Variants in NCAPD2 observed in about 807,000 individuals in gnomAD.
The protein encoded by NCAPD2 is condensin complex subunit 1.
In NCAPD2, 100 loss-of-function variants were observed where a neutral mutation model predicts 164.5. That is an observed-to-expected ratio of 0.61 (90% CI 0.52 to 0.72). The LOEUF is 0.72. Ranked by LOEUF, NCAPD2 falls within the 30% of genes least tolerant of loss-of-function variation. The pLI is 0.00. For missense variants in NCAPD2, 1,560 were observed against 1,749.2 expected (o/e 0.89, Z 1.93); for synonymous variants, 585 against 642.6 (o/e 0.91, Z 1.36).
intron 2 of NCAPD2, among the ~76,000 whole-genome samples, chr12:6,507,462 C>T (rs554432204): frequency 1.7e-4 from 26 of 152,350 alleles, no homozygotes; most frequent in African/African-American, 6.0e-4. Context: ...CTTGGCCAGT[C>T]GCCGTGAAAG....
At chr12:6,525,412 A>G (rs1205227684) in intron 17 of NCAPD2, among the ~76,000 whole-genome samples, 171 bp from the exon 18 acceptor site, 2 of 152,134 alleles carry the variant, frequency 1.3e-5, no homozygotes, top group African/African-American at 4.8e-5. Context: ...AAAGTAGAGA[A>G]TGGAAAGCCT....
At chr12:6,501,227 ATTTTTTTTTTTT>A (rs71067121) in intron 2 of NCAPD2, among the ~76,000 whole-genome samples, 12 of 69,174 alleles carry the variant, frequency 1.7e-4, no homozygotes, top group East Asian at 6.4e-4. Context: ...CGCCTGGCTA[ATTTTTTTTTTTT>A]TTTTTTTTTT....
At chr12:6,529,467 G>A (rs1218167549) in intron 27 of NCAPD2, 46 bp from the exon 28 acceptor site, 1 of 1,560,604 alleles carries the variant, frequency 6.4e-7, no homozygotes, top group Non-Finnish European at 8.8e-7. Flanking sequence ...GTGGATGGCA[G>A]AGCTGGCCCT....
intron 6 of NCAPD2, among the ~76,000 whole-genome samples, chr12:6,513,715 C>CTTTGTTTTTTTTTTT (rs1946171835): frequency 1.3e-5 from 1 of 74,894 alleles, no homozygotes; most frequent in Non-Finnish European, 2.5e-5. Context: ...GTGACTTTGT[C>CTTTGTTTTTTTTTTT]TTTTTTTTTT....
In NCAPD2 at chr12:6,510,139, T is replaced by C. The variant is rs71584845; in HGVS notation, c.262+6T>C. The C allele has an allele frequency of 3.1e-4, 491 of 1,605,752 alleles. No individual in the cohort carries two copies. Among genetic ancestry groups the C allele is most frequent in the Admixed American group, 7.8e-4 (47 of 59,988 alleles). ...TCTGCAATTCCTGATAAAAGGTGTT[T>C]ATGGGTCAGGGGGTAGGGGATGGAA... is the stretch of plus-strand genomic sequence containing the variant. On this transcript the variant is annotated splice_donor_region_variant and intron_variant, in intron 4 of 31. Coordinates refer to ENST00000315579, the MANE Select transcript of NCAPD2 (RefSeq NM_014865.4).
chr12:6,518,152 A>G lies in NCAPD2; in HGVS notation c.1589+193A>G, dbSNP rs531450369. 4.6e-5 allele frequency: 23 copies of G among 495,620 alleles called. 1 individual carries two copies. The South Asian group carries it at 7.1e-4, about 15-fold the overall frequency. The allele number at this position is 495,620 out of a possible 1,614,324, so 30.7% of individuals were successfully genotyped here. A position where few individuals can be genotyped will look rare whatever the true frequency, so the allele number is the denominator to read the frequency against. ...TTAAGCATGTGTTTCTACTTTATAAATGTTTAAAAAAACTACTGAAACAAT... is the reference window on the plus strand; with the variant it reads ...TTAAGCATGTGTTTCTACTTTATAAGTGTTTAAAAAAACTACTGAAACAAT... On this transcript the variant is annotated intron_variant, in intron 13 of 31. Coordinates refer to ENST00000315579, the MANE Select transcript of NCAPD2 (RefSeq NM_014865.4).
rs1182322584 is a variant in NCAPD2, at chr12:6,517,627, A to G, written c.1352A>G (p.Gln451Arg). ...GATGCTGACCTTGCCGGACCACTGCAGAAGGAGACCCAGAAATTACAAGAG... is the reference window on the plus strand; with the variant it reads ...GATGCTGACCTTGCCGGACCACTGCGGAAGGAGACCCAGAAATTACAAGAG... Reference protein sequence around the residue: ...LSDADLAGPLQKETQKLQEMR... With the variant: ...LSDADLAGPLRKETQKLQEMR... Residue 451 changes from glutamine (Q) to arginine (R), a missense_variant, in exon 12 of 32, where the codon CAG (glutamine) becomes CGG (arginine). Coordinates refer to ENST00000315579, the MANE Select transcript of NCAPD2 (RefSeq NM_014865.4). 6.2e-7 allele frequency: 1 copy of G among 1,614,140 alleles called. No individual in the cohort carries two copies. Among genetic ancestry groups the G allele is most frequent in the Non-Finnish European group, 8.5e-7 (1 of 1,180,058 alleles).
chr12:6,504,198 T>TAG (rs1565539556), intron 2 of NCAPD2, among the ~76,000 whole-genome samples: 1 of 27,244 alleles, frequency 3.7e-5, no homozygotes, highest in Non-Finnish European at 7.0e-5. Flanking sequence ...TATATATATA[T>TAG]ATATATATAT....
chr12:6,510,482 G>A, intron 4 of NCAPD2, 147 bp from the exon 5 acceptor site: 3 of 937,106 alleles, frequency 3.2e-6, no homozygotes, highest in South Asian at 1.3e-5. Context: ...AGGGCCAAGG[G>A]TCCTAAAGGA....
Position 6,527,269 on chromosome 12 carries a change from G to A in NCAPD2, c.2907+206G>A, listed in dbSNP as rs147974366. 6.5e-4 allele frequency among the ~76,000 whole-genome samples: 99 copies of A among 152,348 alleles called. 1 individual carries two copies. Among genetic ancestry groups the A allele is most frequent in the African/African-American group, 2.2e-3 (92 of 41,576 alleles). On this transcript the variant is annotated intron_variant, in intron 22 of 31. Transcript: ENST00000315579. Reference sequence around the variant, plus strand: ...CCAGGAAGGAAAGATTTAGGTAAATGCAGAGTGTGGAGTTAGAGACCTCAG... The same window carrying A: ...CCAGGAAGGAAAGATTTAGGTAAATACAGAGTGTGGAGTTAGAGACCTCAG...
chr12:6,520,927 C>T, intron 13 of NCAPD2, 59 bp from the exon 14 acceptor site: 3 of 1,608,224 alleles, frequency 1.9e-6, no homozygotes, highest in East Asian at 2.2e-5. Flanking sequence ...GAGGTAAGCT[C>T]CCTTACAAAC....
At chr12:6,500,922 G>A (rs1469450936) in intron 2 of NCAPD2, among the ~76,000 whole-genome samples, 1 of 152,144 alleles carries the variant, frequency 6.6e-6, no homozygotes, top group Non-Finnish European at 1.5e-5. Flanking sequence ...AGATTGGACT[G>A]GAGGGATAGC....
intron 6 of NCAPD2, 150 bp from the exon 7 acceptor site, chr12:6,514,115 C>G: frequency 1.8e-6 from 2 of 1,114,814 alleles, no homozygotes; most frequent in Non-Finnish European, 2.6e-6. Context: ...CTGGGGTCAG[C>G]AAAGCAAAGC....
At chr12:6,511,325 T>C in intron 6 of NCAPD2, 73 bp downstream of exon 6, 1 of 1,535,210 alleles carries the variant, frequency 6.5e-7, no homozygotes, top group Admixed American at 2.1e-5. Flanking sequence ...ATGCCGTTTT[T>C]TTGGTTTTGT....
intron 2 of NCAPD2, among the ~76,000 whole-genome samples, chr12:6,504,212 T>TATATATATATATATATACAC: frequency 4.6e-5 from 1 of 21,728 alleles, no homozygotes; most frequent in East Asian, 1.4e-3. Context: ...TATATATATA[T>TATATATATATATATATACAC]ATATAGATAT....
In NCAPD2 at chr12:6,514,480, C is replaced by T. The variant is rs772249934; in HGVS notation, c.732C>T (p.Ile244=). The T allele has an allele frequency of 5.6e-6, 9 of 1,614,072 alleles. No homozygotes were observed. Among genetic ancestry groups the T allele is most frequent in the Non-Finnish European group, 7.6e-6 (9 of 1,180,042 alleles). Reference sequence around the variant, plus strand: ...CTTCCACAGGTGCTACAGTGAAGATCATCCAGATGCTGCAGCACTTTGAAC... The same window carrying T: ...CTTCCACAGGTGCTACAGTGAAGATTATCCAGATGCTGCAGCACTTTGAAC... ...YNHMLSATVK[I]IQMLQHFEHL... Residue 244 remains isoleucine, a synonymous_variant, in exon 8 of 32, where the codon ATC becomes ATT. Transcript: ENST00000315579.
chr12:6,505,831 C>G (rs976830657), intron 2 of NCAPD2, among the ~76,000 whole-genome samples: 1 of 86,624 alleles, frequency 1.2e-5, no homozygotes, highest in Non-Finnish European at 2.1e-5. Flanking sequence ...TGTCACTACA[C>G]TCTAGCCTGG....
rs1592178046 is a variant in NCAPD2, at chr12:6,528,031, A to G, written c.3083A>G (p.Tyr1028Cys). The G allele has an allele frequency of 1.2e-6, 2 of 1,614,244 alleles. No homozygotes were observed. Among genetic ancestry groups the G allele is most frequent in the Non-Finnish European group, 1.7e-6 (2 of 1,180,046 alleles). Residue 1028 changes from tyrosine (Y) to cysteine (C), a missense_variant, in exon 24 of 32, where the codon TAT becomes TGT. By Grantham distance (194) the Tyr-to-Cys change is radical. Transcript: ENST00000315579. The surrounding 1 kb of genome is among the most constrained non-coding windows in gnomAD (Gnocchi z 5.1). ...AAAGTCTGTAACAACCCAGGCCTCT[A>G]TAGCAACCCAGACCTCTCTGCAGCT... ...LLKVCNNPGLYSNPDLSAAAS... is the reference protein window; with the variant it reads ...LLKVCNNPGLCSNPDLSAAAS...
At position 6,526,121 on chromosome 12, in the gene NCAPD2, T is replaced by C. The variant is rs1300581509; in HGVS notation, c.2402T>C (p.Leu801Pro). Residue 801 changes from leucine to proline, a missense_variant, in exon 19 of 32, where the codon CTG becomes CCG. By Grantham distance (98) the Leu-to-Pro change is moderately conservative (BLOSUM62 -3). Transcript: ENST00000315579. ...TTAGACACACTGGTGAGCATAGGGC[T>C]GGATGAGAAGTTTCCACAGGACTAC... ...SNLDTLVSIG[L>P]DEKFPQDYRL... 6.2e-7 allele frequency: 1 copy of C among 1,614,006 alleles called. No individual in the cohort carries two copies. The highest frequency in any genetic ancestry group is 1.3e-5 in the African/African-American group (1 of 74,912).
Sources: allele counts gnomAD v4.1 joint callset (sites outside exome capture counted in the v4.1 genomes callset), GRCh38; gene constraint gnomAD v4.1.1; non-coding constraint Gnocchi (gnomAD v3.1); transcripts MANE v1.5; gene names NCBI Gene and HGNC (gene_info 2026-07-23, HGNC 2026-07-21).